The following C9 variants were observed in gnomAD, a reference collection of about 807,000 sequenced individuals.
C9 encodes the protein complement component C9.
A neutral mutation model predicts 65.4 loss-of-function variants in C9; 63 were observed. The observed-to-expected ratio is 0.96, with a 90% CI of 0.79 to 1.19. The LOEUF (loss-of-function observed/expected upper bound fraction) is 1.19. Among genes scored for constraint, C9 ranks in the 50% most tolerant of loss-of-function variants. The pLI is 0.00. For synonymous variants in C9, 229 were observed against 227.9 expected (o/e 1.00, Z -0.04); for missense variants, 744 against 670.1 (o/e 1.11, Z -1.22).
intron 1 of C9, among the ~76,000 whole-genome samples, chr5:39,343,739 C>T (rs749113986): frequency 3.4e-4 from 52 of 152,240 alleles, no homozygotes; most frequent in Non-Finnish European, 6.6e-4. Flanking sequence ...AAGTGGGACC[C>T]TGATCCCCAA....
intron 4 of C9, among the ~76,000 whole-genome samples, chr5:39,333,018 T>C (rs1236806745): frequency 3.3e-5 from 5 of 152,160 alleles, no homozygotes; most frequent in Non-Finnish European, 7.4e-5. Flanking sequence ...TAGATAAAAT[T>C]GACCACCTCC....
chr5:39,335,541 T>C (rs1224612210), intron 4 of C9, among the ~76,000 whole-genome samples: 1 of 152,196 alleles, frequency 6.6e-6, no homozygotes, highest in Non-Finnish European at 1.5e-5. Flanking sequence ...TTATATGGCA[T>C]TTACACTGTA....
intron 1 of C9, among the ~76,000 whole-genome samples, chr5:39,352,257 G>T (rs1403350114): frequency 1.3e-5 from 2 of 152,142 alleles, no homozygotes. Flanking sequence ...CAACACATGG[G>T]AATTACAATT....
chr5:39,325,733 C>G (rs1431931173), intron 5 of C9, among the ~76,000 whole-genome samples: 1 of 144,058 alleles, frequency 6.9e-6, no homozygotes, highest in Admixed American at 7.2e-5. Context: ...GATTGCGCCA[C>G]TGCACTCCAG....
intron 1 of C9, among the ~76,000 whole-genome samples, chr5:39,346,694 C>T (rs994612515): frequency 5.9e-5 from 9 of 152,158 alleles, no homozygotes; most frequent in Admixed American, 2.0e-4. Flanking sequence ...ATCCTGATAC[C>T]AAAGTCTGGC....
At chr5:39,322,295 A>T (rs1027584178) in intron 5 of C9, among the ~76,000 whole-genome samples, 3 of 152,048 alleles carry the variant, frequency 2.0e-5, no homozygotes, top group African/African-American at 7.2e-5. Context: ...CTTAAAATAA[A>T]TAAAAATGAA....
At chr5:39,344,366 G>A (rs949493865) in intron 1 of C9, among the ~76,000 whole-genome samples, 3 of 152,186 alleles carry the variant, frequency 2.0e-5, no homozygotes, top group South Asian at 2.1e-4. Flanking sequence ...CGAGAACTAC[G>A]TGATGAATGC....
chr5:39,344,762 C>A (rs557077654), intron 1 of C9, among the ~76,000 whole-genome samples: 21 of 152,258 alleles, frequency 1.4e-4, no homozygotes, highest in African/African-American at 5.1e-4. Flanking sequence ...ATGTTAAGGG[C>A]AGTCAGAGAG....
chr5:39,313,153 A>C (rs1002418357), intron 6 of C9, among the ~76,000 whole-genome samples: 1 of 152,118 alleles, frequency 6.6e-6, no homozygotes, highest in Non-Finnish European at 1.5e-5. Flanking sequence ...AAGCAACAAA[A>C]AGTTTCCCTT....
rs774868510 is a variant in C9 at position 39,308,324 on chromosome 5, C to T, written c.1146G>A (p.Gly382=). 13 of 1,600,302 alleles carry T rather than the reference C, an allele frequency of 8.1e-6. No homozygotes were observed. The South Asian group carries it at 1.4e-4, about 18-fold the overall frequency. ...VELKDIKRCL[G]YHLDVSLAFS... Reference sequence around the variant, plus strand: ...AAGCCAGAGATACATCCAGATGATACCCAAGGCATCTCTTTATGTCTTTTA... The same window carrying T: ...AAGCCAGAGATACATCCAGATGATATCCAAGGCATCTCTTTATGTCTTTTA... Residue 382 remains glycine (G), a synonymous_variant, in exon 8 of 11, where the codon GGG becomes GGA. Coordinates refer to ENST00000263408, the MANE Select transcript of C9 (RefSeq NM_001737.5).
intron 9 of C9, among the ~76,000 whole-genome samples, chr5:39,290,192 A>G (rs978389255): frequency 6.6e-5 from 10 of 151,916 alleles, no homozygotes; most frequent in African/African-American, 1.7e-4. Context: ...AATTGTAGTT[A>G]GATAGAAGGG....
chr5:39,354,752 A>T (rs890683075), intron 1 of C9, among the ~76,000 whole-genome samples: 3 of 152,174 alleles, frequency 2.0e-5, no homozygotes, highest in Non-Finnish European at 2.9e-5. Flanking sequence ...TTGTTTTGTT[A>T]TTTTGAATAC....
intron 5 of C9, among the ~76,000 whole-genome samples, chr5:39,320,976 C>T (rs745909277): frequency 5.3e-5 from 8 of 151,988 alleles, no homozygotes; most frequent in Non-Finnish European, 1.0e-4. Flanking sequence ...CCCAGAGACA[C>T]AAAAGCTGTG....
intron 1 of C9, among the ~76,000 whole-genome samples, chr5:39,362,531 A>G (rs1351691814): frequency 6.6e-6 from 1 of 152,118 alleles, no homozygotes; most frequent in Non-Finnish European, 1.5e-5. Flanking sequence ...CTGTGAGACA[A>G]TACATTTCTT....
chr5:39,314,382 G>C (rs994407773), intron 6 of C9, among the ~76,000 whole-genome samples: 5 of 152,030 alleles, frequency 3.3e-5, no homozygotes, highest in Non-Finnish European at 5.9e-5. Context: ...CTGGGAGGCG[G>C]AAGTTGTGGT....
At chr5:39,350,225 C>G (rs1017077042) in intron 1 of C9, among the ~76,000 whole-genome samples, 1 of 152,104 alleles carries the variant, frequency 6.6e-6, no homozygotes, top group South Asian at 2.1e-4. Context: ...CATGAGAACT[C>G]CATCATGAGA....
Position 39,321,597 on chromosome 5 carries a change from C to T in C9, c.616-5568G>A, listed in dbSNP as rs568635202. On this transcript the variant is annotated intron_variant, in intron 5 of 10. Coordinates refer to ENST00000263408, the MANE Select transcript of C9 (RefSeq NM_001737.5). ...CCTACCGATAATTATCTTAAATGTA[C>T]TCAATCAAGAGATGCAGAGTAGCTA... Among the ~76,000 whole-genome samples, 13 of 151,988 alleles carry T rather than the reference C, an allele frequency of 8.6e-5. No individual in the cohort carries two copies. In the South Asian group the frequency reaches 2.7e-3, roughly 32 times the overall value.
chr5:39,359,080 A>C (rs1363690190), intron 1 of C9, among the ~76,000 whole-genome samples: 1 of 53,550 alleles, frequency 1.9e-5, no homozygotes, highest in Non-Finnish European at 4.1e-5. Flanking sequence ...ATGTGTGTGT[A>C]TATATATATG....
intron 9 of C9, among the ~76,000 whole-genome samples, chr5:39,295,831 C>T (rs1753176796): frequency 6.6e-6 from 1 of 151,822 alleles, no homozygotes; most frequent in South Asian, 2.1e-4. Context: ...GCCATAAAAA[C>T]AGGCACATAA....
Sources: gnomAD v4.1 joint callset for allele counts (sites outside exome capture counted in the v4.1 genomes callset) on GRCh38, gnomAD v4.1.1 for gene constraint, MANE v1.5 for transcripts, NCBI Gene and HGNC (gene_info 2026-07-23, HGNC 2026-07-21) for gene names.